BORCS5: variants seen among roughly 807,000 people sequenced by gnomAD.
BORCS5 encodes the protein BLOC-1-related complex subunit 5.
Under a neutral mutation model 22.1 loss-of-function variants are expected in BORCS5, and 17 were observed. The ratio of observed to expected loss-of-function variants is 0.77; its 90% CI spans 0.53 to 1.15. The LOEUF is 1.15. Among genes scored for constraint, BORCS5 ranks in the 50% most tolerant of loss-of-function variants. The pLI is 0.00. For missense variants in BORCS5, 247 were observed against 253.2 expected (o/e 0.98, Z 0.17); for synonymous variants, 117 against 99.8 (o/e 1.17, Z -1.03).
Position 12,357,150 on chromosome 12 carries a change from A to T in BORCS5, c.-302A>T, listed in dbSNP as rs1008416934. 1 of 1,532,918 alleles carries T rather than the reference A, an allele frequency of 6.5e-7. No individual in the cohort carries two copies. The highest frequency in any genetic ancestry group is 8.7e-7 in the Non-Finnish European group (1 of 1,145,610). 95.0% of individuals were successfully genotyped at this position (1,532,918 alleles called of 1,614,324 possible). ...GAAAGCGGCGCCGCCCGCCGGCCGC[A>T]GGTGCGGCAAAGCCAGTGTCATCTG... On this transcript the variant is annotated 5_prime_UTR_variant, in exon 1 of 4. Transcript: ENST00000314565.
intron 3 of BORCS5, among the ~76,000 whole-genome samples, chr12:12,441,708 G>A (rs903225631): frequency 8.6e-6 from 1 of 115,906 alleles, no homozygotes; most frequent in African/African-American, 4.1e-5. Flanking sequence ...ATAGAGGCAA[G>A]GCAAAAAAAA....
At chr12:12,370,720 C>T (rs2136028172) in intron 2 of BORCS5, among the ~76,000 whole-genome samples, 1 of 152,202 alleles carries the variant, frequency 6.6e-6, no homozygotes, top group Non-Finnish European at 1.5e-5. Context: ...CCAAAATTGG[C>T]CAGTGACAGC....
At chr12:12,385,251 G>A (rs910904410) in intron 2 of BORCS5, among the ~76,000 whole-genome samples, 4 of 151,376 alleles carry the variant, frequency 2.6e-5, no homozygotes, top group African/African-American at 9.7e-5. Context: ...CCCTGACCAC[G>A]ACCACAACCT....
chr12:12,449,712 A>G (rs938640514), intron 3 of BORCS5, among the ~76,000 whole-genome samples: 3 of 152,248 alleles, frequency 2.0e-5, no homozygotes, highest in African/African-American at 4.8e-5. Flanking sequence ...GGTGACTTCA[A>G]AATGTCCAGT....
intron 2 of BORCS5, among the ~76,000 whole-genome samples, chr12:12,372,558 A>G (rs1294076391): frequency 1.3e-5 from 2 of 152,040 alleles, no homozygotes; most frequent in South Asian, 2.1e-4. Flanking sequence ...ATTCTGGCAT[A>G]TACATATGGT....
At chr12:12,454,236 A>G (rs771597699) in intron 3 of BORCS5, among the ~76,000 whole-genome samples, 4 of 152,226 alleles carry the variant, frequency 2.6e-5, no homozygotes, top group Non-Finnish European at 5.9e-5. Context: ...TTTATGTTTA[A>G]CTTTTTGAGA....
intron 2 of BORCS5, among the ~76,000 whole-genome samples, chr12:12,394,570 C>T (rs1941284388): frequency 6.6e-6 from 1 of 151,822 alleles, no homozygotes; most frequent in African/African-American, 2.4e-5. Flanking sequence ...AGACAGAGTA[C>T]GTTGCCTGGG....
chr12:12,360,537 T>G (rs1337200190), intron 1 of BORCS5, among the ~76,000 whole-genome samples: 1 of 149,862 alleles, frequency 6.7e-6, no homozygotes, highest in Non-Finnish European at 1.5e-5. Flanking sequence ...GACTACAGTG[T>G]GCACCACCAC....
intron 2 of BORCS5, among the ~76,000 whole-genome samples, chr12:12,378,308 G>A (rs113330976): frequency 1.3e-5 from 2 of 152,296 alleles, no homozygotes; most frequent in African/African-American, 4.8e-5. Context: ...GGAGGCAGAG[G>A]TTGCAGTGAG....
chr12:12,455,942 T>A (rs568448067), intron 3 of BORCS5, among the ~76,000 whole-genome samples: 1 of 152,364 alleles, frequency 6.6e-6, no homozygotes, highest in East Asian at 1.9e-4. Context: ...CTCATTTTTC[T>A]TTTGACCATG....
chr12:12,416,307 T>C (rs1055174081), intron 2 of BORCS5, among the ~76,000 whole-genome samples: 2 of 152,080 alleles, frequency 1.3e-5, no homozygotes, highest in Non-Finnish European at 2.9e-5. Flanking sequence ...TATTTTTTTT[T>C]CTATTCTCTA....
At position 12,427,481 on chromosome 12, in the gene BORCS5, G is replaced by C. The variant is rs376296549; in HGVS notation, c.203-8147G>C. ...AGGCGTGAGCCACCGCGCCCGGCCA[G>C]ACTTTCCCTTTCTTTAAGAAGAGAA... is the stretch of plus-strand genomic sequence containing the variant. On this transcript the variant is annotated intron_variant, in intron 2 of 3. Transcript: ENST00000314565. Among the ~76,000 whole-genome samples, 3 of 152,238 alleles carry C rather than the reference G, an allele frequency of 2.0e-5. No homozygotes were observed. The South Asian group carries it at 6.2e-4, about 32-fold the overall frequency.
intron 3 of BORCS5, among the ~76,000 whole-genome samples, chr12:12,450,237 C>A (rs1007815579): frequency 1.3e-5 from 2 of 152,176 alleles, no homozygotes; most frequent in Admixed American, 6.5e-5. Context: ...AGTGCTTGCC[C>A]ACTCTGGGAG....
At chr12:12,387,901 G>A (rs1863917263) in intron 2 of BORCS5, among the ~76,000 whole-genome samples, 1 of 151,270 alleles carries the variant, frequency 6.6e-6, no homozygotes, top group Non-Finnish European at 1.5e-5. Context: ...ACCATGAGGG[G>A]CCTCACTCAA....
intron 2 of BORCS5, among the ~76,000 whole-genome samples, chr12:12,406,966 A>G (rs1428984832): frequency 8.5e-5 from 13 of 152,212 alleles, no homozygotes; most frequent in Admixed American, 8.5e-4. Flanking sequence ...GGTGAGCACC[A>G]GCTGCTGAAG....
chr12:12,406,226 C>T (rs1181317534), intron 2 of BORCS5, among the ~76,000 whole-genome samples: 1 of 152,218 alleles, frequency 6.6e-6, no homozygotes, highest in Non-Finnish European at 1.5e-5. Flanking sequence ...GAAAGAAATA[C>T]TTCGTTTATA....
chr12:12,392,566 G>A (rs772301803), intron 2 of BORCS5, among the ~76,000 whole-genome samples: 1 of 151,970 alleles, frequency 6.6e-6, no homozygotes, highest in Non-Finnish European at 1.5e-5. Flanking sequence ...GCACAACACT[G>A]GACAAATCCT....
chr12:12,378,741 C>T (rs188285495), intron 2 of BORCS5, among the ~76,000 whole-genome samples: 5 of 151,192 alleles, frequency 3.3e-5, no homozygotes, highest in Admixed American at 2.6e-4. Flanking sequence ...GTGTTAATTT[C>T]CTGGTTTTGA....
At chr12:12,449,965 T>C (rs1942877639) in intron 3 of BORCS5, among the ~76,000 whole-genome samples, 4 of 152,362 alleles carry the variant, frequency 2.6e-5, no homozygotes, top group Admixed American at 2.6e-4. Flanking sequence ...TTGGATTTTG[T>C]CATTTGATTT....
Sources: allele counts gnomAD v4.1 joint callset (sites outside exome capture counted in the v4.1 genomes callset), GRCh38; gene constraint gnomAD v4.1.1; transcripts MANE v1.5; gene names NCBI Gene and HGNC (gene_info 2026-07-23, HGNC 2026-07-21).